GTF3C1: variants seen among roughly 807,000 people sequenced by gnomAD.
GTF3C1 encodes the protein general transcription factor 3C polypeptide 1.
GTF3C1 carries 57 observed loss-of-function variants against 226.7 expected under a neutral mutation model. That is an observed-to-expected ratio of 0.25 (90% confidence interval 0.20 to 0.31). GTF3C1 has a LOEUF of 0.31. Ranked by LOEUF, GTF3C1 falls within the 10% of genes least tolerant of loss-of-function variation. The pLI is 1.00. For synonymous variants in GTF3C1, 1,090 were observed against 1,084.8 expected, an observed-to-expected ratio of 1.00 and a Z score of -0.09; for missense variants, 2,217 against 2,776.1, an observed-to-expected ratio of 0.80 and a Z score of 4.53.
chr16:27,541,832 G>A (rs144622258), intron 2 of GTF3C1, among the ~76,000 whole-genome samples: 290 of 152,246 alleles, frequency 1.9e-3, no homozygotes, highest in African/African-American at 6.6e-3. Context: ...CCAATCAGGA[G>A]GGCAGGGAGC....
Position 27,470,238 on chromosome 16 carries a change from C to G in GTF3C1, c.4684G>C (p.Asp1562His), listed in dbSNP as rs761595942. The G allele has an allele frequency of 6.8e-6, 11 of 1,613,850 alleles. No individual in the cohort carries two copies. Among genetic ancestry groups the G allele is most frequent in the Non-Finnish European group, 9.3e-6 (11 of 1,179,728 alleles). The change falls in exon 31 of 37, where the codon GAC becomes CAC. Residue 1562 changes from aspartate (D) to histidine (H), a missense_variant. Physicochemically the swap from Asp to His is moderately conservative, Grantham distance 81. Around this residue, in one of 12 missense-constraint regions of GTF3C1, gnomAD observed 546 missense variants for 663.0 expected, o/e 0.82. Coordinates refer to ENST00000356183, the MANE Select transcript of GTF3C1 (RefSeq NM_001520.4). This position sits in a 1 kb window ranked among gnomAD's most constrained non-coding sequence, Gnocchi z 4.9. ...GCCACACAATTTCCTCCAGGGCCGT[C>G]CAGTGAAAAGGCCACCATGTCGTTT... ...PTNDMVAFSL[D>H]GPGGNCVAVL...
chr16:27,489,975 G>T (rs148902998), intron 19 of GTF3C1, among the ~76,000 whole-genome samples: 19 of 152,350 alleles, frequency 1.2e-4, no homozygotes, highest in African/African-American at 4.3e-4. Context: ...TAAGGAAAGG[G>T]TCTATGCCAG....
chr16:27,496,244 C>CCTGTAGAA (rs1334130907), intron 14 of GTF3C1, among the ~76,000 whole-genome samples: 1 of 152,162 alleles, frequency 6.6e-6, no homozygotes, highest in African/African-American at 2.4e-5. Flanking sequence ...TCCTATACAG[C>CCTGTAGAA]CTGTAGAACT....
intron 6 of GTF3C1, among the ~76,000 whole-genome samples, chr16:27,518,597 CAG>C (rs1313081143): frequency 2.0e-5 from 3 of 152,212 alleles, no homozygotes; most frequent in Admixed American, 6.5e-5. Context: ...CTGAAAATAT[CAG>C]AGAGTGCTTG....
intron 7 of GTF3C1, among the ~76,000 whole-genome samples, chr16:27,509,745 G>T (rs976315164): frequency 3.8e-5 from 5 of 130,826 alleles, no homozygotes; most frequent in South Asian, 4.9e-4. Flanking sequence ...GCGACAGAGT[G>T]AGACTCCGTC....
At chr16:27,516,798 CT>C (rs1567406811) in intron 6 of GTF3C1, among the ~76,000 whole-genome samples, 1 of 152,050 alleles carries the variant, frequency 6.6e-6, no homozygotes, top group African/African-American at 2.4e-5. Flanking sequence ...ATGCTCGGAT[CT>C]TTTTTTTATT....
intron 4 of GTF3C1, among the ~76,000 whole-genome samples, chr16:27,535,574 TAA>T (rs200346693): frequency 5.8e-4 from 41 of 70,508 alleles, no homozygotes; most frequent in Admixed American, 1.4e-3. Context: ...GACTGTCAAA[TAA>T]AAAAAAAAAA....
chr16:27,488,102 C>T, intron 23 of GTF3C1, 125 bp downstream of exon 23: 1 of 760,892 alleles, frequency 1.3e-6, no homozygotes, highest in Non-Finnish European at 2.2e-6. Context: ...CAGCGCCACA[C>T]ATCGAGGGAA....
rs767095421 is a variant in GTF3C1 at position 27,492,628 on chromosome 16, C to T, written c.2962G>A (p.Asp988Asn). Residue 988 changes from aspartate (D) to asparagine (N), a missense_variant, in exon 18 of 37, where the codon GAT becomes AAT. Around this residue, in one of 12 missense-constraint regions of GTF3C1, gnomAD observed 353 missense variants for 411.7 expected, o/e 0.86. Transcript: ENST00000356183. The surrounding 1 kb of genome is among the most constrained non-coding windows in gnomAD (Gnocchi z 5.0). ...TTGAGGGACATTACCTGATCTTTAT[C>T]CTGAAACTTTTCCGTGGGACCAAAC... ...LQFGPTEKFQ[D>N]KDQVFIFLKK... 1 of 1,592,786 alleles carries T rather than the reference C, an allele frequency of 6.3e-7. No homozygotes were observed. The highest frequency in any genetic ancestry group is 8.6e-7 in the Non-Finnish European group (1 of 1,160,626).
chr16:27,534,209 T>A (rs1476160248), intron 4 of GTF3C1, among the ~76,000 whole-genome samples: 1 of 152,206 alleles, frequency 6.6e-6, no homozygotes, highest in Non-Finnish European at 1.5e-5. Flanking sequence ...CTACCTTCCA[T>A]CTCATTTCTA....
At position 27,471,552 on chromosome 16, in the gene GTF3C1, T is replaced by C; in HGVS notation, c.4526+196A>G. Reference sequence around the variant, plus strand: ...GGTAACGCCGCCAACACAAAGAAGCTGCCAGCGCTCACCTGATCCCCATAC... The same window carrying C: ...GGTAACGCCGCCAACACAAAGAAGCCGCCAGCGCTCACCTGATCCCCATAC... On this transcript the variant is annotated intron_variant, in intron 30 of 36. Transcript: ENST00000356183. The surrounding 1 kb of genome is among the most constrained non-coding windows in gnomAD (Gnocchi z 5.0). 1 of 538,544 alleles carries C rather than the reference T, an allele frequency of 1.9e-6. No homozygotes were observed. Among genetic ancestry groups the C allele is most frequent in the East Asian group, 2.9e-5 (1 of 34,032 alleles). The allele number at this position is 538,544 out of a possible 1,614,324, so 33.4% of individuals were successfully genotyped here.
intron 6 of GTF3C1, among the ~76,000 whole-genome samples, chr16:27,518,467 C>T (rs768179795): frequency 4.6e-5 from 7 of 152,198 alleles, no homozygotes; most frequent in Non-Finnish European, 7.3e-5. Context: ...CTTAGGACAG[C>T]GCCTGGCATG....
chr16:27,520,234 C>T (rs1209945198), intron 6 of GTF3C1, among the ~76,000 whole-genome samples: 2 of 152,198 alleles, frequency 1.3e-5, no homozygotes, highest in East Asian at 3.9e-4. Flanking sequence ...TCTGCCTCAG[C>T]TTCCTGAGTA....
rs1416071646 is a variant in GTF3C1 at position 27,507,851 on chromosome 16, G to C, written c.1242+689C>G. Among the ~76,000 whole-genome samples, 1 of 152,222 alleles carries C rather than the reference G, an allele frequency of 6.6e-6. No individual in the cohort carries two copies. Among genetic ancestry groups the C allele is most frequent in the Admixed American group, 6.5e-5 (1 of 15,288 alleles). On this transcript the variant is annotated intron_variant, in intron 8 of 36. Coordinates refer to ENST00000356183, the MANE Select transcript of GTF3C1 (RefSeq NM_001520.4). The surrounding 1 kb of genome is among the most constrained non-coding windows in gnomAD (Gnocchi z 4.9). ...ATAGCTGGCCAACTCGATGTCCCCA[G>C]GTGCCAGGCAAGTAACATGCATAAG...
chr16:27,483,603 C>A (rs2088090231), intron 25 of GTF3C1, among the ~76,000 whole-genome samples: 1 of 152,230 alleles, frequency 6.6e-6, no homozygotes, highest in Non-Finnish European at 1.5e-5. Context: ...GGAAGGCGAC[C>A]AGCATTTGCT....
At chr16:27,522,559 T>C (rs1394062872) in intron 6 of GTF3C1, among the ~76,000 whole-genome samples, 1 of 152,224 alleles carries the variant, frequency 6.6e-6, no homozygotes, top group Non-Finnish European at 1.5e-5. Context: ...TTGTTCTTCT[T>C]TTTCGGGATT....
Position 27,497,617 on chromosome 16 carries a change from G to C in GTF3C1, c.2350+20C>G. ...AACAAATCAAATGTAACTAAACACA[G>C]ACAAGAAGCTGCAGCTTACCTACAA... On this transcript the variant is annotated intron_variant, in intron 14 of 36. Transcript: ENST00000356183. 6.3e-7 allele frequency: 1 copy of C among 1,587,910 alleles called. No individual in the cohort carries two copies.
At chr16:27,482,714 G>A (rs534216992) in intron 26 of GTF3C1, 24 of 440,342 alleles carry the variant, frequency 5.5e-5, no homozygotes, top group African/African-American at 3.6e-4. Flanking sequence ...CAGAAAACTC[G>A]GAAAGAAAAC....
At position 27,497,812 on chromosome 16, in the gene GTF3C1, A is replaced by AAG; in HGVS notation, c.2174_2175insCT (p.Ser726PhefsTer29). ...CCCCTTGGGGCACTGGAGGCTGGGAAGTTTTAACCCTGCAGTTCAAATAAA... is the reference window on the plus strand; with the variant it reads ...CCCCTTGGGGCACTGGAGGCTGGGAAAGGTTTTAACCCTGCAGTTCAAATAAA... On this transcript the variant is annotated frameshift_variant, in exon 14 of 37. Coordinates refer to ENST00000356183, the MANE Select transcript of GTF3C1 (RefSeq NM_001520.4). LOFTEE classifies it high-confidence loss of function. 1 of 1,612,520 alleles carries AAG rather than the reference A, an allele frequency of 6.2e-7. No individual in the cohort carries two copies. The highest frequency in any genetic ancestry group is 8.5e-7 in the Non-Finnish European group (1 of 1,179,346).
Sources: allele counts gnomAD v4.1 joint callset (sites outside exome capture counted in the v4.1 genomes callset), GRCh38; gene constraint gnomAD v4.1.1; regional missense constraint gnomAD v4.1.1; non-coding constraint Gnocchi (gnomAD v3.1); transcripts MANE v1.5; gene names NCBI Gene and HGNC (gene_info 2026-07-23, HGNC 2026-07-21).